Variants in CPQ observed in about 807,000 individuals in gnomAD.
CPQ encodes the protein carboxypeptidase Q.
In CPQ, 37 loss-of-function variants were observed where a neutral mutation model predicts 45.7. The ratio of observed to expected loss-of-function variants is 0.81; its 90% confidence interval spans 0.62 to 1.07. The LOEUF (loss-of-function observed/expected upper bound fraction) is 1.07. Among genes scored for constraint, CPQ ranks in the 50% least tolerant of loss-of-function variants. CPQ has a pLI of 0.00. For missense variants in CPQ, 537 were observed against 572.9 expected (o/e 0.94, Z 0.64); for synonymous variants, 186 against 205.8 (o/e 0.90, Z 0.82).
At chr8:97,064,087 T>TATCA (rs1388438556) in intron 6 of CPQ, among the ~76,000 whole-genome samples, 3 of 152,172 alleles carry the variant, frequency 2.0e-5, no homozygotes, top group African/African-American at 7.2e-5. Flanking sequence ...TGATTCTTCC[T>TATCA]ATCATGTAGC....
chr8:97,126,861 G>A (rs1811855443), intron 7 of CPQ, among the ~76,000 whole-genome samples: 2 of 152,134 alleles, frequency 1.3e-5, no homozygotes, highest in African/African-American at 2.4e-5. Flanking sequence ...GAATAGAATA[G>A]GTCTATGCGT....
chr8:96,802,403 A>G (rs1811018931), intron 2 of CPQ, among the ~76,000 whole-genome samples: 1 of 152,212 alleles, frequency 6.6e-6, no homozygotes, highest in South Asian at 2.1e-4. Flanking sequence ...GATGCATTTC[A>G]CATTGAAAGT....
chr8:96,841,374 C>A (rs1047344976), intron 3 of CPQ, among the ~76,000 whole-genome samples: 21 of 152,194 alleles, frequency 1.4e-4, no homozygotes, highest in African/African-American at 3.9e-4. Context: ...GCTTTCTTAG[C>A]ATGCGAGCTC....
chr8:96,861,143 C>A (rs988613998), intron 3 of CPQ, among the ~76,000 whole-genome samples: 2 of 152,098 alleles, frequency 1.3e-5, no homozygotes, highest in Non-Finnish European at 2.9e-5. Context: ...ACTGTGACAT[C>A]TTTTGGTACT....
chr8:97,062,428 A>G (rs1810566972), intron 6 of CPQ, among the ~76,000 whole-genome samples: 3 of 152,168 alleles, frequency 2.0e-5, no homozygotes. Context: ...CAGGCTGCTC[A>G]TTAATGTTGG....
chr8:96,933,352 G>A (rs967940155), intron 4 of CPQ, among the ~76,000 whole-genome samples: 4 of 152,142 alleles, frequency 2.6e-5, no homozygotes, highest in African/African-American at 9.7e-5. Context: ...TGTGGAACTG[G>A]ATGCTCCCTC....
At chr8:96,918,329 C>T (rs1812759118) in intron 4 of CPQ, among the ~76,000 whole-genome samples, 1 of 152,110 alleles carries the variant, frequency 6.6e-6, no homozygotes, top group Non-Finnish European at 1.5e-5. Context: ...ATTGTACCTC[C>T]TTTCCCTGAC....
intron 1 of CPQ, among the ~76,000 whole-genome samples, chr8:96,693,525 A>C (rs550176220): frequency 1.3e-5 from 2 of 152,338 alleles, no homozygotes; most frequent in East Asian, 3.9e-4. Flanking sequence ...GACTTCAGTG[A>C]AAACTTTACA....
intron 6 of CPQ, among the ~76,000 whole-genome samples, chr8:97,039,459 TC>T (rs1810071435): frequency 6.6e-6 from 1 of 151,446 alleles, no homozygotes; most frequent in South Asian, 2.1e-4. Flanking sequence ...CAATTGTGAT[TC>T]TTTTTTTTTT....
intron 5 of CPQ, among the ~76,000 whole-genome samples, chr8:96,979,131 T>C (rs1813841102): frequency 6.8e-6 from 1 of 147,022 alleles, no homozygotes; most frequent in African/African-American, 2.5e-5. Flanking sequence ...TCTAGAGTAA[T>C]GGGTGAGTGA....
intron 6 of CPQ, among the ~76,000 whole-genome samples, chr8:97,060,004 T>C (rs1810520536): frequency 6.6e-6 from 1 of 152,168 alleles, no homozygotes; most frequent in Non-Finnish European, 1.5e-5. Context: ...CAAAGACATG[T>C]TGAGAAACAT....
intron 7 of CPQ, among the ~76,000 whole-genome samples, chr8:97,122,962 AAAAT>A (rs1563586847): frequency 9.1e-5 from 7 of 77,276 alleles, no homozygotes; most frequent in East Asian, 5.2e-4. Context: ...AAAATAAAAT[AAAAT>A]AAAATAAAAT....
At chr8:97,044,457 A>G (rs1479616096) in intron 6 of CPQ, among the ~76,000 whole-genome samples, 1 of 151,938 alleles carries the variant, frequency 6.6e-6, no homozygotes, top group Non-Finnish European at 1.5e-5. Flanking sequence ...GAGTAGTTTG[A>G]TTGTCTGAAG....
chr8:96,677,326 A>G (rs1416303728), intron 1 of CPQ, among the ~76,000 whole-genome samples: 4 of 152,068 alleles, frequency 2.6e-5, no homozygotes, highest in Middle Eastern at 3.4e-3. Flanking sequence ...CCACATACAC[A>G]CCAACATTTA....
chr8:96,783,137 G>A (rs1305724010), intron 1 of CPQ, among the ~76,000 whole-genome samples: 1 of 151,996 alleles, frequency 6.6e-6, no homozygotes, highest in Non-Finnish European at 1.5e-5. Flanking sequence ...GCTTTTCCTA[G>A]GCTGCTCTTC....
chr8:96,902,626 G>A (rs117865648), intron 4 of CPQ, among the ~76,000 whole-genome samples: 5 of 152,200 alleles, frequency 3.3e-5, no homozygotes, highest in African/African-American at 4.8e-5. Context: ...CACCACTCAG[G>A]GAACTTCCCC....
At chr8:96,843,608 G>A (rs1811646279) in intron 3 of CPQ, among the ~76,000 whole-genome samples, 1 of 152,186 alleles carries the variant, frequency 6.6e-6, no homozygotes. Flanking sequence ...CAGACAGACT[G>A]TGTGTCTTAC....
At chr8:97,013,027 G>A (rs6991219) in intron 5 of CPQ, among the ~76,000 whole-genome samples, 79,691 of 151,874 alleles carry the variant, frequency 0.52, 22,047 homozygotes, top group East Asian at 0.62. Flanking sequence ...TTGTAGAGTC[G>A]CCAATTATAA....
At chr8:96,939,086 T>C (rs762298587) in intron 4 of CPQ, among the ~76,000 whole-genome samples, 5 of 152,212 alleles carry the variant, frequency 3.3e-5, no homozygotes, top group Non-Finnish European at 5.9e-5. Context: ...CAACAGAATA[T>C]GTACCACCTA....
Sources: allele counts gnomAD v4.1 joint callset (sites outside exome capture counted in the v4.1 genomes callset), GRCh38; gene constraint gnomAD v4.1.1; transcripts MANE v1.5; gene names NCBI Gene and HGNC (gene_info 2026-07-23, HGNC 2026-07-21).